Variants in SIK2 observed in about 807,000 individuals in gnomAD.
The protein encoded by SIK2 is serine/threonine-protein kinase SIK2.
A neutral mutation model predicts 103.2 loss-of-function variants in SIK2; 29 were observed. That is an observed-to-expected ratio of 0.28 (90% CI 0.21 to 0.38). The LOEUF (loss-of-function observed/expected upper bound fraction) is 0.38, where lower values mean the gene tolerates loss of function less well. Among genes scored for constraint, SIK2 ranks in the 10% least tolerant of loss-of-function variants. SIK2 has a pLI of 1.00. For synonymous variants in SIK2, 412 were observed against 446.1 expected (o/e 0.92, Z 0.96); for missense variants, 879 against 1,171.0 (o/e 0.75, Z 3.64).
intron 3 of SIK2, among the ~76,000 whole-genome samples, chr11:111,656,598 A>AG (rs1367990791): frequency 6.6e-6 from 1 of 152,216 alleles, no homozygotes; most frequent in Non-Finnish European, 1.5e-5. Flanking sequence ...AACAGGGACA[A>AG]GTCATTCAAA....
chr11:111,668,298 TC>T (rs1447469287), intron 3 of SIK2, among the ~76,000 whole-genome samples: 1 of 152,222 alleles, frequency 6.6e-6, no homozygotes, highest in African/African-American at 2.4e-5. Context: ...TTTTGCAGCT[TC>T]ATAGTATTCC....
intron 3 of SIK2, among the ~76,000 whole-genome samples, chr11:111,663,843 A>G (rs1942499689): frequency 6.6e-6 from 1 of 152,186 alleles, no homozygotes; most frequent in African/African-American, 2.4e-5. Context: ...GATCCTTATA[A>G]AAACCTTTGG....
chr11:111,665,405 G>A (rs191823896), intron 3 of SIK2, among the ~76,000 whole-genome samples: 13 of 152,134 alleles, frequency 8.5e-5, no homozygotes, highest in Admixed American at 7.2e-4. Flanking sequence ...TAGAGACAGC[G>A]AAACCCTGTC....
chr11:111,700,137 G>A (rs886375516), intron 4 of SIK2, among the ~76,000 whole-genome samples: 1 of 152,224 alleles, frequency 6.6e-6, no homozygotes, highest in African/African-American at 2.4e-5. Context: ...TTTAATGCAT[G>A]TTGAAGGCAT....
intron 3 of SIK2, among the ~76,000 whole-genome samples, chr11:111,684,228 G>A (rs913356191): frequency 4.6e-5 from 7 of 152,082 alleles, no homozygotes; most frequent in African/African-American, 1.7e-4. Flanking sequence ...CTTGCCTGTG[G>A]TACTCCCAAT....
At chr11:111,720,227 G>A (rs1943760777) in intron 10 of SIK2, among the ~76,000 whole-genome samples, 1 of 152,168 alleles carries the variant, frequency 6.6e-6, no homozygotes, top group East Asian at 1.9e-4. Context: ...ATTCATCTGG[G>A]TGCCACGTGA....
At position 111,652,681 on chromosome 11, in the gene SIK2, T is replaced by C. The variant is rs149252211; in HGVS notation, c.316+32279T>C. Among the ~76,000 whole-genome samples, 241 of 152,344 alleles carry C rather than the reference T, an allele frequency of 1.6e-3. 2 individuals are homozygous for C. Among genetic ancestry groups the C allele is most frequent in the African/African-American group, 5.4e-3 (223 of 41,580 alleles). ...CTAAATACAATAACTTGACTAAAAC[T>C]TTTATTAATAATTACCATGTGGCAA... On this transcript the variant is annotated intron_variant, in intron 3 of 14. Transcript: ENST00000304987.
At chr11:111,682,962 G>A (rs534414892) in intron 3 of SIK2, 1 of 152,272 alleles carries the variant, frequency 6.6e-6, no homozygotes, top group African/African-American at 2.4e-5. Flanking sequence ...ACTGGAGGGG[G>A]TGTTGACATA....
intron 3 of SIK2, among the ~76,000 whole-genome samples, chr11:111,678,792 A>G (rs1219155530): frequency 6.6e-6 from 1 of 152,186 alleles, no homozygotes; most frequent in Non-Finnish European, 1.5e-5. Flanking sequence ...AAAAATTGCT[A>G]TGTGTGGGCA....
At chr11:111,681,177 G>A (rs1176320229) in intron 3 of SIK2, among the ~76,000 whole-genome samples, 1 of 152,188 alleles carries the variant, frequency 6.6e-6, no homozygotes, top group Non-Finnish European at 1.5e-5. Context: ...AAATCTCCCA[G>A]GGCAGAGTTT....
intron 3 of SIK2, among the ~76,000 whole-genome samples, chr11:111,646,259 G>A (rs1302284088): frequency 6.6e-6 from 1 of 152,154 alleles, no homozygotes; most frequent in Non-Finnish European, 1.5e-5. Flanking sequence ...AGACCAGCCT[G>A]ACCAATATAG....
At chr11:111,720,222 T>C (rs1449041836) in intron 10 of SIK2, among the ~76,000 whole-genome samples, 6 of 152,194 alleles carry the variant, frequency 3.9e-5, no homozygotes, top group Non-Finnish European at 5.9e-5. Context: ...CCAGGATTCA[T>C]CTGGGTGCCA....
chr11:111,649,861 A>G lies in SIK2; in HGVS notation c.316+29459A>G, dbSNP rs541379581. Among the ~76,000 whole-genome samples, 224 of 152,304 alleles carry G rather than the reference A, an allele frequency of 1.5e-3. 2 individuals are homozygous for G. Among genetic ancestry groups the G allele is most frequent in the African/African-American group, 5.2e-3 (218 of 41,580 alleles). On this transcript the variant is annotated intron_variant, in intron 3 of 14. Coordinates refer to ENST00000304987, the MANE Select transcript of SIK2 (RefSeq NM_015191.3). ...TAACTAACAAGATCTTTTCTCCAGA[A>G]TAGCTCTATTTTTTTAAAAAAATTA...
At chr11:111,646,631 C>A (rs573651958) in intron 3 of SIK2, among the ~76,000 whole-genome samples, 17 of 152,268 alleles carry the variant, frequency 1.1e-4, no homozygotes, top group Non-Finnish European at 2.2e-4. Context: ...CCCGGGCAAC[C>A]ACTGATCTGT....
intron 4 of SIK2, among the ~76,000 whole-genome samples, chr11:111,700,008 G>A (rs45605331): frequency 5.9e-5 from 9 of 152,218 alleles, no homozygotes; most frequent in Admixed American, 2.0e-4. Flanking sequence ...AGCAACATAA[G>A]ACAGCATGAG....
chr11:111,616,690 A>T (rs188379783), intron 2 of SIK2, among the ~76,000 whole-genome samples: 2 of 152,200 alleles, frequency 1.3e-5, no homozygotes, highest in African/African-American at 4.8e-5. Flanking sequence ...ATATATATAT[A>T]CAAATATTAG....
chr11:111,639,294 C>T (rs1942150864), intron 3 of SIK2, among the ~76,000 whole-genome samples: 1 of 152,078 alleles, frequency 6.6e-6, no homozygotes, highest in Non-Finnish European at 1.5e-5. Context: ...TTTTTTTCTG[C>T]ATAGTCCCTC....
chr11:111,712,188 G>A, intron 8 of SIK2, 23 bp from the exon 9 acceptor site: 1 of 1,610,212 alleles, frequency 6.2e-7, no homozygotes, highest in African/African-American at 1.3e-5. Flanking sequence ...TTCCCAAACT[G>A]TCTGTTCTTG....
intron 4 of SIK2, among the ~76,000 whole-genome samples, chr11:111,695,420 A>T (rs550738968): frequency 1.1e-4 from 16 of 151,938 alleles, no homozygotes; most frequent in East Asian, 1.9e-4. Context: ...TTCCTGTTTT[A>T]AAAAAAAGGA....
Sources: allele counts gnomAD v4.1 joint callset (sites outside exome capture counted in the v4.1 genomes callset), GRCh38; gene constraint gnomAD v4.1.1; transcripts MANE v1.5; gene names NCBI Gene and HGNC (gene_info 2026-07-23, HGNC 2026-07-21).